The following DOCK3 variants were observed in gnomAD, a reference collection of about 807,000 sequenced individuals.
DOCK3 encodes dedicator of cytokinesis 3.
A neutral mutation model predicts 265.6 loss-of-function variants in DOCK3; 60 were observed. That is an observed-to-expected ratio of 0.23 (90% confidence interval 0.18 to 0.28). The LOEUF (loss-of-function observed/expected upper bound fraction) is 0.28. Ranked by LOEUF, DOCK3 falls within the 10% of genes least tolerant of loss-of-function variation. DOCK3 has a pLI of 1.00. For synonymous variants in DOCK3, 881 were observed against 938.0 expected (o/e 0.94, Z 1.11); for missense variants, 1,981 against 2,594.3 (o/e 0.76, Z 5.14).
chr3:51,287,059 A>G (rs2081445595), intron 27 of DOCK3, among the ~76,000 whole-genome samples: 1 of 152,192 alleles, frequency 6.6e-6, no homozygotes. Flanking sequence ...ATATTTGCAA[A>G]CTATGCATCT....
chr3:50,845,828 G>T (rs2046053266), intron 3 of DOCK3, among the ~76,000 whole-genome samples: 2 of 152,280 alleles, frequency 1.3e-5, no homozygotes, highest in Middle Eastern at 3.4e-3. Context: ...AGTATTTGTG[G>T]ATAATTTCTG....
intron 1 of DOCK3, among the ~76,000 whole-genome samples, chr3:50,726,604 T>G (rs2037846216): frequency 6.6e-6 from 1 of 152,198 alleles, no homozygotes; most frequent in Non-Finnish European, 1.5e-5. Context: ...GAGAGTATTA[T>G]TATTATTTTT....
chr3:50,841,279 T>C (rs993497500), intron 2 of DOCK3, among the ~76,000 whole-genome samples: 1 of 152,200 alleles, frequency 6.6e-6, no homozygotes, highest in Non-Finnish European at 1.5e-5. Flanking sequence ...TGTAGTATAC[T>C]GTATGGGAGA....
chr3:51,358,013 A>G lies in DOCK3; in HGVS notation c.4820A>G (p.Glu1607Gly). The part of the protein sequence containing the change: ...LAVHEKFVHP[E>G]MRPLHKKLID... ...GTTCATGAGAAGTTTGTGCACCCAGAAATGCGGCCTCTGCATAAGAAGCTA... is the reference window on the plus strand; with the variant it reads ...GTTCATGAGAAGTTTGTGCACCCAGGAATGCGGCCTCTGCATAAGAAGCTA... The change falls in exon 46 of 53, where the codon GAA (glutamate) becomes GGA (glycine). Residue 1607 changes from glutamate (E) to glycine (G), a missense_variant. Around this residue, in one of 4 missense-constraint regions of DOCK3, gnomAD observed 1,357 missense variants for 1,866.8 expected, o/e 0.73. Coordinates refer to ENST00000266037, the MANE Select transcript of DOCK3 (RefSeq NM_004947.5). 1 of 1,613,990 alleles carries G rather than the reference A, an allele frequency of 6.2e-7. No homozygotes were observed. Among genetic ancestry groups the G allele is most frequent in the Non-Finnish European group, 8.5e-7 (1 of 1,179,886 alleles).
In DOCK3 at chr3:50,702,989, G is replaced by A. The variant is rs185145072; in HGVS notation, c.37+27689G>A. On this transcript the variant is annotated intron_variant, in intron 1 of 52. Transcript: ENST00000266037. Reference sequence around the variant, plus strand: ...TGTCAGCTGTGGGTTTGTCATAGGTGGCTTTTATTATGTTGAGTTTTATTC... The same window carrying A: ...TGTCAGCTGTGGGTTTGTCATAGGTAGCTTTTATTATGTTGAGTTTTATTC... Among the ~76,000 whole-genome samples, 60 of 152,126 alleles carry A rather than the reference G, an allele frequency of 3.9e-4. No individual in the cohort carries two copies. In the East Asian group the frequency reaches 0.01, roughly 26 times the overall value.
At chr3:51,250,132 C>A (rs1460202213) in intron 22 of DOCK3, among the ~76,000 whole-genome samples, 1 of 151,864 alleles carries the variant, frequency 6.6e-6, no homozygotes, top group Non-Finnish European at 1.5e-5. Flanking sequence ...GACACAAATG[C>A]TGCGGAAGGC....
chr3:50,974,340 T>C (rs1376028832), intron 5 of DOCK3, among the ~76,000 whole-genome samples: 2 of 151,954 alleles, frequency 1.3e-5, no homozygotes, highest in Admixed American at 6.6e-5. Context: ...AGGGATCCAG[T>C]TTCAGCTTTC....
intron 1 of DOCK3, among the ~76,000 whole-genome samples, chr3:50,736,191 G>A (rs889519183): frequency 1.3e-5 from 2 of 152,062 alleles, no homozygotes; most frequent in African/African-American, 4.8e-5. Flanking sequence ...GAGAATGATG[G>A]TTTCCAGCTT....
At chr3:51,338,215 G>A in intron 35 of DOCK3, 144 bp from the exon 36 acceptor site, 1 of 809,046 alleles carries the variant, frequency 1.2e-6, no homozygotes, top group Non-Finnish European at 2.0e-6. Flanking sequence ...TCACAGTAGA[G>A]TCCTTATCTA....
chr3:50,689,302 G>GATTT (rs1175955109), intron 1 of DOCK3, among the ~76,000 whole-genome samples: 10 of 152,346 alleles, frequency 6.6e-5, no homozygotes, highest in Admixed American at 6.5e-4. Context: ...GAGACTGGAT[G>GATTT]ATTTATAAAG....
Position 51,237,475 on chromosome 3 carries a change from C to T in DOCK3, c.2002-15C>T. The T allele has an allele frequency of 6.2e-7, 1 of 1,601,626 alleles. No homozygotes were observed. The highest frequency in any genetic ancestry group is 8.5e-7 in the Non-Finnish European group (1 of 1,170,182). ...CTCCAGTGAACCCTGATGGCTTACT[C>T]TCCATATCTCCCAGGTGTTCATCAT... On this transcript the variant is annotated splice_polypyrimidine_tract_variant and intron_variant, in intron 20 of 52. Transcript: ENST00000266037.
At chr3:51,179,843 T>C (rs2087175146) in intron 12 of DOCK3, among the ~76,000 whole-genome samples, 1 of 151,778 alleles carries the variant, frequency 6.6e-6, no homozygotes, top group South Asian at 2.1e-4. Flanking sequence ...GCCTGGAAGT[T>C]CAAGGCTGCA....
At chr3:50,846,119 A>C (rs2046067315) in intron 3 of DOCK3, among the ~76,000 whole-genome samples, 1 of 152,250 alleles carries the variant, frequency 6.6e-6, no homozygotes, top group African/African-American at 2.4e-5. Flanking sequence ...ATAGCACTGC[A>C]AATGAGACTG....
intron 4 of DOCK3, among the ~76,000 whole-genome samples, chr3:50,919,998 T>C (rs2050350693): frequency 6.6e-6 from 1 of 152,230 alleles, no homozygotes; most frequent in African/African-American, 2.4e-5. Context: ...TCTGCATCTA[T>C]TGAGATAGTC....
At chr3:50,881,828 A>G (rs2048044502) in intron 3 of DOCK3, among the ~76,000 whole-genome samples, 6 of 152,218 alleles carry the variant, frequency 3.9e-5, no homozygotes, top group Admixed American at 3.3e-4. Flanking sequence ...AGCCAAAAGA[A>G]CAAAGCTGGA....
At chr3:51,065,696 C>T (rs1177479247) in intron 6 of DOCK3, among the ~76,000 whole-genome samples, 2 of 152,210 alleles carry the variant, frequency 1.3e-5, no homozygotes, top group Admixed American at 1.3e-4. Context: ...TTGCAAAACT[C>T]TCCACATTCT....
chr3:51,147,570 T>C (rs917365761), intron 10 of DOCK3, among the ~76,000 whole-genome samples: 1 of 152,212 alleles, frequency 6.6e-6, no homozygotes, highest in African/African-American at 2.4e-5. Context: ...AAGTCCCACC[T>C]ATCAGTGAGA....
intron 9 of DOCK3, among the ~76,000 whole-genome samples, chr3:51,105,118 A>G (rs1049524653): frequency 1.3e-5 from 2 of 152,232 alleles, no homozygotes; most frequent in African/African-American, 4.8e-5. Context: ...GGCAGGAAGC[A>G]CCACAAGCAT....
At chr3:51,144,895 C>T (rs1257891515) in intron 9 of DOCK3, among the ~76,000 whole-genome samples, 3 of 152,172 alleles carry the variant, frequency 2.0e-5, no homozygotes, top group South Asian at 2.1e-4. Context: ...TTTGGAATCA[C>T]ATGCTTTGTC....
Sources: gnomAD v4.1 joint callset for allele counts (sites outside exome capture counted in the v4.1 genomes callset) on GRCh38, gnomAD v4.1.1 for gene constraint, gnomAD v4.1.1 regional missense constraint, MANE v1.5 for transcripts, NCBI Gene and HGNC (gene_info 2026-07-23, HGNC 2026-07-21) for gene names.